Variants in PHACTR2 observed in about 807,000 individuals in gnomAD.
The protein encoded by PHACTR2 is chromosome 6 open reading frame 56.
Under a neutral mutation model 76.0 loss-of-function variants are expected in PHACTR2, and 30 were observed. The ratio of observed to expected loss-of-function variants is 0.39; its 90% CI spans 0.30 to 0.54. PHACTR2 has a LOEUF of 0.54. PHACTR2 is among the 20% of genes least tolerant of loss of function. PHACTR2 has a pLI of 0.61. For synonymous variants in PHACTR2, 292 were observed against 292.5 expected, an observed-to-expected ratio of 1.00 and a Z score of 0.02; for missense variants, 696 against 781.1, an observed-to-expected ratio of 0.89 and a Z score of 1.30.
rs146570548 is a variant in PHACTR2 at position 143,592,329 on chromosome 6, G to T, written c.217+55122G>T. ...TAAGATGAACCATCCTCTCCATCCA[G>T]ATCCCCTGCATGTTTACTATTGTTT... On this transcript the variant is annotated intron_variant, in intron 1 of 11. Transcript: ENST00000367584. This position sits in a 1 kb window ranked among gnomAD's most constrained non-coding sequence, Gnocchi z 4.0. Among the ~76,000 whole-genome samples, 244 of 152,290 alleles carry T rather than the reference G, an allele frequency of 1.6e-3. No individual in the cohort carries two copies. Among genetic ancestry groups the T allele is most frequent in the African/African-American group, 5.1e-3 (210 of 41,556 alleles).
At position 143,698,721 on chromosome 6, in the gene PHACTR2, T is replaced by C. The variant is rs962585712; in HGVS notation, c.47-13295T>C. 1.3e-5 allele frequency among the ~76,000 whole-genome samples: 2 copies of C among 152,216 alleles called. No individual in the cohort carries two copies. The highest frequency in any genetic ancestry group is 2.4e-5 in the African/African-American group (1 of 41,448). On this transcript the variant is annotated intron_variant, in intron 1 of 12. Coordinates refer to ENST00000440869, the MANE Select transcript of PHACTR2 (RefSeq NM_001100164.2). This position sits in a 1 kb window ranked among gnomAD's most constrained non-coding sequence, Gnocchi z 4.3. ...TGGTTGTTTGACTAATGTCAGCCTC[T>C]CTCATGGCCTGCAAGCCTCCTAAGG...
chr6:143,699,323 C>A (rs912212803), intron 1 of PHACTR2, among the ~76,000 whole-genome samples: 2 of 152,160 alleles, frequency 1.3e-5, no homozygotes. Context: ...TCCTTCTCCT[C>A]AGCCCATGAA....
Position 143,764,258 on chromosome 6 carries a change from C to G in PHACTR2, c.695-1003C>G, listed in dbSNP as rs1356331869. Among the ~76,000 whole-genome samples the G allele has an allele frequency of 6.6e-6, 1 of 152,068 alleles. No homozygotes were observed. Among genetic ancestry groups the G allele is most frequent in the Non-Finnish European group, 1.5e-5 (1 of 68,016 alleles). Reference sequence around the variant, plus strand: ...GGCTCACACCTGTAATTCTTTGGAGCCACCAAAGCCTCTCACTTTGGGAGG... The same window carrying G: ...GGCTCACACCTGTAATTCTTTGGAGGCACCAAAGCCTCTCACTTTGGGAGG... On this transcript the variant is annotated intron_variant, in intron 5 of 12. Coordinates refer to ENST00000440869, the MANE Select transcript of PHACTR2 (RefSeq NM_001100164.2). This position sits in a 1 kb window ranked among gnomAD's most constrained non-coding sequence, Gnocchi z 4.7.
At position 143,688,271 on chromosome 6, in the gene PHACTR2, A is replaced by G. The variant is rs1337815648; in HGVS notation, c.46+10062A>G. ...CATGCAGTATAGATTTCATGGGGAG[A>G]GACTGAAAGTGGGACCAAGAAGTAG... On this transcript the variant is annotated intron_variant, in intron 1 of 12. Transcript: ENST00000440869. The surrounding 1 kb of genome is among the most constrained non-coding windows in gnomAD (Gnocchi z 5.2). Among the ~76,000 whole-genome samples, 18 of 151,678 alleles carry G rather than the reference A, an allele frequency of 1.2e-4. No individual in the cohort carries two copies. Among genetic ancestry groups the G allele is most frequent in the African/African-American group, 4.1e-4 (17 of 41,268 alleles).
intron 1 of PHACTR2, among the ~76,000 whole-genome samples, chr6:143,620,338 A>G (rs1562250143): frequency 6.6e-6 from 1 of 151,666 alleles, no homozygotes; most frequent in Non-Finnish European, 1.5e-5. Flanking sequence ...AACTACAAAA[A>G]CTCCCAAAGT....
chr6:143,564,341 A>G (rs989178806), intron 1 of PHACTR2, among the ~76,000 whole-genome samples: 20 of 151,428 alleles, frequency 1.3e-4, no homozygotes, highest in African/African-American at 4.6e-4. Context: ...GCAGTGGCTC[A>G]TGCCTGTAAT....
intron 2 of PHACTR2, among the ~76,000 whole-genome samples, chr6:143,745,521 C>A (rs1311619193): frequency 1.3e-5 from 2 of 152,196 alleles, no homozygotes; most frequent in Non-Finnish European, 2.9e-5. Context: ...ACTAGAATGA[C>A]CTCTCAGATT....
At position 143,830,943 on chromosome 6, in the gene PHACTR2, A is replaced by G. The variant is rs902737714; in HGVS notation, c.*7254A>G. 3.9e-5 allele frequency: 6 copies of G among 152,176 alleles called. No individual in the cohort carries two copies. Among genetic ancestry groups the G allele is most frequent in the African/African-American group, 1.2e-4 (5 of 41,460 alleles). 9.4% of individuals were successfully genotyped at this position (152,176 alleles called of 1,614,324 possible). A position where few individuals can be genotyped will look rare whatever the true frequency, so the allele number is the denominator to read the frequency against. On this transcript the variant is annotated 3_prime_UTR_variant, in exon 13 of 13. Transcript: ENST00000440869. ...ATTGCCTGTTATTTCAGCTTCACCT[A>G]AGTTTTTAACACCTCTTTGTATGTA...
Position 143,753,821 on chromosome 6 carries a change from C to T in PHACTR2, c.363C>T (p.Thr121=). 6.2e-7 allele frequency: 1 copy of T among 1,612,290 alleles called. No homozygotes were observed. Among genetic ancestry groups the T allele is most frequent in the Non-Finnish European group, 8.5e-7 (1 of 1,178,888 alleles). The stretch of plus-strand genomic sequence containing the variant: ...TGATACCCATCGGAGAGGAATCTAC[C>T]CGAGAGGAAAATGTAGTAAAGTCTG... ...GHMIPIGEES[T]REENVVKSEE... is the part of the protein sequence containing the mutation. Residue 121 remains threonine (T), a synonymous_variant, in exon 4 of 13, where the codon ACC becomes ACT. Coordinates refer to ENST00000440869, the MANE Select transcript of PHACTR2 (RefSeq NM_001100164.2). This position sits in a 1 kb window ranked among gnomAD's most constrained non-coding sequence, Gnocchi z 4.6.
At chr6:143,704,580 A>C (rs1408901985) in intron 1 of PHACTR2, among the ~76,000 whole-genome samples, 1 of 152,212 alleles carries the variant, frequency 6.6e-6, no homozygotes, top group Admixed American at 6.5e-5. Flanking sequence ...AAGCTGAAAA[A>C]ATGGTACAGA....
Position 143,548,904 on chromosome 6 carries a change from C to A in PHACTR2, c.217+11697C>A, listed in dbSNP as rs1054498649. ...GTTTTAGAGTTGTGGGGGAAACAAGCAAGAATGAGGCATGTTCCTAGGGAA... is the reference window on the plus strand; with the variant it reads ...GTTTTAGAGTTGTGGGGGAAACAAGAAAGAATGAGGCATGTTCCTAGGGAA... On this transcript the variant is annotated intron_variant, in intron 1 of 11. Transcript: ENST00000367584. This position sits in a 1 kb window ranked among gnomAD's most constrained non-coding sequence, Gnocchi z 4.5. 1.3e-5 allele frequency among the ~76,000 whole-genome samples: 2 copies of A among 151,796 alleles called. No individual in the cohort carries two copies. The highest frequency in any genetic ancestry group is 2.9e-5 in the Non-Finnish European group (2 of 67,922).
In PHACTR2 at chr6:143,546,859, CA is replaced by C. The variant is rs10541081; in HGVS notation, c.217+9666del. Among the ~76,000 whole-genome samples the C allele has an allele frequency of 0.53, 74,879 of 139,968 alleles. 19,720 individuals are homozygous for C. Among genetic ancestry groups the C allele is most frequent in the Middle Eastern group, 0.69 (189 of 274 alleles). 91.8% of individuals were successfully genotyped at this position (139,968 alleles called of 152,430 possible). On this transcript the variant is annotated intron_variant, in intron 1 of 11. Transcript: ENST00000367584. This position sits in a 1 kb window ranked among gnomAD's most constrained non-coding sequence, Gnocchi z 4.9. ...TGGGCAACATAGTGAGACCCCATCT[CA>C]AAAAAAAAAAAAATAAAAAATAAAA...
rs2128487422 is a variant in PHACTR2, at chr6:143,822,398, C to CT, written c.1923-1275dup. Among the ~76,000 whole-genome samples the CT allele has an allele frequency of 6.6e-6, 1 of 152,258 alleles. No homozygotes were observed. The highest frequency in any genetic ancestry group is 2.4e-5 in the African/African-American group (1 of 41,548). ...GAAAGAACTGGGTTGGGCGCAGTGG[C>CT]TCGTACCTGTAATCACAGCACTGTG... On this transcript the variant is annotated intron_variant, in intron 12 of 12. Coordinates refer to ENST00000440869, the MANE Select transcript of PHACTR2 (RefSeq NM_001100164.2). This position sits in a 1 kb window ranked among gnomAD's most constrained non-coding sequence, Gnocchi z 5.5.
rs939293399 is a variant in PHACTR2 at position 143,561,338 on chromosome 6, A to G, written c.217+24131A>G. 2 of 152,418 alleles carry G rather than the reference A, an allele frequency of 1.3e-5. No homozygotes were observed. Among genetic ancestry groups the G allele is most frequent in the South Asian group, 2.1e-4 (1 of 4,820 alleles). The allele number at this position is 152,418 out of a possible 1,614,324, so 9.4% of individuals were successfully genotyped here. ...GTCTCCTTTTTAACTCGGTCTCCAG[A>G]GCCCAGAAGATTAGGTTGTTGCTCA... On this transcript the variant is annotated intron_variant, in intron 1 of 11. Coordinates refer to the PHACTR2 transcript ENST00000367584. The surrounding 1 kb of genome is among the most constrained non-coding windows in gnomAD (Gnocchi z 4.1).
intron 12 of PHACTR2, among the ~76,000 whole-genome samples, chr6:143,815,232 C>T (rs1009791442): frequency 1.3e-5 from 2 of 152,144 alleles, no homozygotes; most frequent in Non-Finnish European, 2.9e-5. Context: ...ATGATAAGAG[C>T]CCAGCCAGTG....
rs542790343 is a variant in PHACTR2 at position 143,663,363 on chromosome 6, A to G, written c.14-48653A>G. On this transcript the variant is annotated intron_variant, in intron 1 of 11. Coordinates refer to the PHACTR2 transcript ENST00000305766. The surrounding 1 kb of genome is among the most constrained non-coding windows in gnomAD (Gnocchi z 4.1). Reference sequence around the variant, plus strand: ...TCCCCGTGGATGAATGAAGTACTGAATATCCCAAAGCATTGAATCACTTCT... The same window carrying G: ...TCCCCGTGGATGAATGAAGTACTGAGTATCCCAAAGCATTGAATCACTTCT... 6.6e-6 allele frequency among the ~76,000 whole-genome samples: 1 copy of G among 152,336 alleles called. No homozygotes were observed. Among genetic ancestry groups the G allele is most frequent in the South Asian group, 2.1e-4 (1 of 4,826 alleles).
rs531404440 is a variant in PHACTR2 at position 143,809,016 on chromosome 6, A to G, written c.1922+1883A>G. Among the ~76,000 whole-genome samples the G allele has an allele frequency of 6.6e-6, 1 of 152,248 alleles. No homozygotes were observed. The highest frequency in any genetic ancestry group is 1.5e-5 in the Non-Finnish European group (1 of 68,036). On this transcript the variant is annotated intron_variant, in intron 12 of 12. Transcript: ENST00000440869. This position sits in a 1 kb window ranked among gnomAD's most constrained non-coding sequence, Gnocchi z 4.2. ...CTGGGGCCTCCGGGCAACTGGGAAG[A>G]TAGAGTGCTTGGTGCAGTTGGGTCC...
rs562724738 is a variant in PHACTR2 at position 143,585,747 on chromosome 6, C to T, written c.217+48540C>T. ...GAACTCTGTGAGCAATTTTGTCCCC[C>T]AGCTCCTCAAAATGATGTGGGAGAA... On this transcript the variant is annotated intron_variant, in intron 1 of 11. Coordinates refer to the PHACTR2 transcript ENST00000367584. The surrounding 1 kb of genome is among the most constrained non-coding windows in gnomAD (Gnocchi z 5.2). Among the ~76,000 whole-genome samples, 107 of 152,324 alleles carry T rather than the reference C, an allele frequency of 7.0e-4. No individual in the cohort carries two copies. Among genetic ancestry groups the T allele is most frequent in the Admixed American group, 2.4e-3 (36 of 15,302 alleles).
At chr6:143,808,396 T>C (rs539495709) in intron 12 of PHACTR2, among the ~76,000 whole-genome samples, 11 of 152,054 alleles carry the variant, frequency 7.2e-5, no homozygotes, top group Non-Finnish European at 1.6e-4. Context: ...CTCAGAATGC[T>C]GGGATTACAG....
Sources: allele counts gnomAD v4.1 joint callset (sites outside exome capture counted in the v4.1 genomes callset), GRCh38; gene constraint gnomAD v4.1.1; non-coding constraint Gnocchi (gnomAD v3.1); transcripts MANE v1.5; gene names NCBI Gene and HGNC (gene_info 2026-07-23, HGNC 2026-07-21).